CSRP3: variants seen among roughly 807,000 people sequenced by gnomAD.
CSRP3 encodes cysteine and glycine-rich protein 3.
A neutral mutation model predicts 24.3 loss-of-function variants in CSRP3; 24 were observed. That is an observed-to-expected ratio of 0.99 (90% confidence interval 0.71 to 1.39). CSRP3 has a LOEUF of 1.39. Ranked by LOEUF, CSRP3 falls within the 40% of genes most tolerant of loss-of-function variation. The probability of loss-of-function intolerance (pLI) is 0.00; values close to 1 mark genes in which losing one functional copy is unlikely to be tolerated. For synonymous variants in CSRP3, 105 were observed against 94.0 expected (o/e 1.12, Z -0.68); for missense variants, 240 against 249.0 (o/e 0.96, Z 0.24).
At chr11:19,194,240 A>G (rs977254545) in intron 1 of CSRP3, among the ~76,000 whole-genome samples, 1 of 152,220 alleles carries the variant, frequency 6.6e-6, no homozygotes, top group African/African-American at 2.4e-5. Flanking sequence ...TAGGTCTAGA[A>G]GGAATGTTTC....
At chr11:19,184,864 G>T in intron 5 of CSRP3, 88 bp downstream of exon 5, 2 of 1,010,360 alleles carry the variant, frequency 2.0e-6, no homozygotes, top group Non-Finnish European at 1.6e-6. Flanking sequence ...GGAAGACACG[G>T]GAAGACCTCC....
intron 5 of CSRP3, among the ~76,000 whole-genome samples, 199 bp downstream of exon 5, chr11:19,184,753 G>A (rs1197653469): frequency 6.6e-6 from 1 of 152,210 alleles, no homozygotes; most frequent in Non-Finnish European, 1.5e-5. Context: ...AGGTGCTCCA[G>A]TGGAGAGGAC....
rs765287458 is a variant in CSRP3, at chr11:19,188,131, C to T, written c.281+5G>A. ...CAGGCAAGGGGGAGCAGGGCAGTAA[C>T]TCACTGTTGGAACTGCAGGCCGAGA... is the stretch of plus-strand genomic sequence containing the variant. On this transcript the variant is annotated splice_donor_5th_base_variant and intron_variant, in intron 3 of 5. Transcript: ENST00000265968. 2 of 1,614,166 alleles carry T rather than the reference C, an allele frequency of 1.2e-6. No individual in the cohort carries two copies. Among genetic ancestry groups the T allele is most frequent in the Non-Finnish European group, 1.7e-6 (2 of 1,180,030 alleles).
intron 1 of CSRP3, among the ~76,000 whole-genome samples, chr11:19,197,527 C>A (rs1565055548): frequency 7.9e-6 from 1 of 126,766 alleles, no homozygotes; most frequent in Non-Finnish European, 1.6e-5. Flanking sequence ...TTCTTTCTTT[C>A]TTTCTTTCTT....
chr11:19,187,338 G>A (rs1229132398), intron 3 of CSRP3, among the ~76,000 whole-genome samples: 1 of 152,236 alleles, frequency 6.6e-6, no homozygotes, highest in East Asian at 1.9e-4. Flanking sequence ...TTCCTCAGAT[G>A]GCTGAAGTGC....
chr11:19,187,144 C>G (rs1046802215), intron 3 of CSRP3, among the ~76,000 whole-genome samples: 1 of 152,208 alleles, frequency 6.6e-6, no homozygotes, highest in African/African-American at 2.4e-5. Flanking sequence ...GAAAAGTGAA[C>G]TTCAGTCAAT....
At chr11:19,188,773 G>C (rs1227071746) in intron 2 of CSRP3, among the ~76,000 whole-genome samples, 1 of 152,050 alleles carries the variant, frequency 6.6e-6, no homozygotes, top group African/African-American at 2.4e-5. Flanking sequence ...GAAGGACACT[G>C]TGATATTCAA....
Position 19,195,007 on chromosome 11 carries a change from T to C in CSRP3, c.-28-2531A>G, listed in dbSNP as rs181093160. 3.6e-3 allele frequency among the ~76,000 whole-genome samples: 544 copies of C among 152,150 alleles called. 1 individual carries two copies. Among genetic ancestry groups the C allele is most frequent in the Non-Finnish European group, 6.0e-3 (409 of 67,998 alleles). ...GAATGCTCTGTACCAGAGAAGAGTC[T>C]TGTGAGACATGCTACAGAAACTCAA... On this transcript the variant is annotated intron_variant, in intron 1 of 5. Coordinates refer to ENST00000265968, the MANE Select transcript of CSRP3 (RefSeq NM_003476.5).
chr11:19,199,973 T>C (rs1334082490), intron 1 of CSRP3, among the ~76,000 whole-genome samples: 1 of 152,236 alleles, frequency 6.6e-6, no homozygotes, highest in Non-Finnish European at 1.5e-5. Flanking sequence ...TCCTGTGTGT[T>C]ATATTCCTAG....
intron 3 of CSRP3, among the ~76,000 whole-genome samples, chr11:19,186,772 A>T (rs3781799): frequency 6.6e-6 from 1 of 152,086 alleles, no homozygotes; most frequent in Non-Finnish European, 1.5e-5. Flanking sequence ...GCAAGGTGGG[A>T]TTTTGACAAT....
At chr11:19,183,494 G>A (rs1487623713) in intron 5 of CSRP3, among the ~76,000 whole-genome samples, 2 of 152,188 alleles carry the variant, frequency 1.3e-5, no homozygotes, top group Non-Finnish European at 2.9e-5. Flanking sequence ...CTCAGAGGAA[G>A]CCTGTCTTGT....
intron 1 of CSRP3, among the ~76,000 whole-genome samples, chr11:19,193,154 G>T (rs937771719): frequency 1.3e-5 from 2 of 152,028 alleles, no homozygotes; most frequent in African/African-American, 4.8e-5. Flanking sequence ...AAGATATATT[G>T]GCACTACACT....
chr11:19,196,600 C>T (rs12290229), intron 1 of CSRP3, among the ~76,000 whole-genome samples: 18,080 of 152,120 alleles, frequency 0.12, 2,241 homozygotes, highest in African/African-American at 0.32. Context: ...AGAATGTGAG[C>T]TTACCCTGGC....
intron 1 of CSRP3, 76 bp downstream of exon 1, chr11:19,201,878 A>G (rs1414711703): frequency 4.6e-5 from 7 of 152,346 alleles, no homozygotes; most frequent in African/African-American, 1.2e-4. Context: ...CTCTTACTCT[A>G]TGGGACCCTT....
intron 5 of CSRP3, 144 bp from the exon 6 acceptor site, chr11:19,182,890 C>T: frequency 1.4e-6 from 1 of 710,628 alleles, no homozygotes; most frequent in African/African-American, 1.7e-5. Context: ...GGCACGGTGG[C>T]TCATGCCTGT....
chr11:19,183,712 C>T (rs879875438), intron 5 of CSRP3, among the ~76,000 whole-genome samples: 8 of 152,150 alleles, frequency 5.3e-5, no homozygotes, highest in South Asian at 2.1e-4. Context: ...TGCCAGGAGA[C>T]GGCAATCATC....
Position 19,192,329 on chromosome 11 carries a change from C to G in CSRP3, c.112+8G>C. On this transcript the variant is annotated splice_region_variant and intron_variant, in intron 2 of 5. Coordinates refer to ENST00000265968, the MANE Select transcript of CSRP3 (RefSeq NM_003476.5). The stretch of plus-strand genomic sequence containing the variant: ...CTGAGGGGCCCCCAGGGTGTCCACC[C>G]AACTCACTGCAGTGGAAACACGTCT... The G allele has an allele frequency of 6.2e-7, 1 of 1,607,382 alleles. No individual in the cohort carries two copies. Among genetic ancestry groups the G allele is most frequent in the Non-Finnish European group, 8.5e-7 (1 of 1,173,842 alleles).
At chr11:19,186,057 C>T (rs549782864) in intron 4 of CSRP3, among the ~76,000 whole-genome samples, 159 bp downstream of exon 4, 1 of 152,122 alleles carries the variant, frequency 6.6e-6, no homozygotes, top group African/African-American at 2.4e-5. Context: ...GACAGACAGC[C>T]CCAGCCTGGG....
At position 19,185,015 on chromosome 11, in the gene CSRP3, T is replaced by A. The variant is rs1490491672; in HGVS notation, c.445A>T (p.Ile149Phe). ...GTGGACTCCAGACTCTTCCCACAGA[T>A]GGCACAGCGGAAACAGGTCTTGTGC... ...PWHKTCFRCAICGKSLESTNV... is the reference protein window; with the variant it reads ...PWHKTCFRCAFCGKSLESTNV... The change falls in exon 5 of 6, where the codon ATC becomes TTC. Residue 149 changes from isoleucine to phenylalanine, a missense_variant. By Grantham distance (21) the Ile-to-Phe change is conservative. Coordinates refer to ENST00000265968, the MANE Select transcript of CSRP3 (RefSeq NM_003476.5). 4 of 1,614,122 alleles carry A rather than the reference T, an allele frequency of 2.5e-6. No individual in the cohort carries two copies. The highest frequency in any genetic ancestry group is 2.7e-5 in the African/African-American group (2 of 74,942).
Sources: gnomAD v4.1 joint callset for allele counts (sites outside exome capture counted in the v4.1 genomes callset) on GRCh38, gnomAD v4.1.1 for gene constraint, MANE v1.5 for transcripts, NCBI Gene and HGNC (gene_info 2026-07-23, HGNC 2026-07-21) for gene names.